CDK5: variants seen among roughly 807,000 people sequenced by gnomAD.
The protein encoded by CDK5 is cyclin-dependent kinase 5.
A neutral mutation model predicts 44.6 loss-of-function variants in CDK5; 18 were observed. The observed-to-expected ratio is 0.40, with a 90% CI of 0.28 to 0.60. The LOEUF (loss-of-function observed/expected upper bound fraction) is 0.60. CDK5 is among the 20% of genes least tolerant of loss of function. CDK5 has a pLI of 0.38. For synonymous variants in CDK5, 143 were observed against 152.8 expected (o/e 0.94, Z 0.47); for missense variants, 198 against 368.1 (o/e 0.54, Z 3.78).
chr7:151,055,711 G>C (rs762360856), intron 6 of CDK5, 42 bp downstream of exon 6: 71 of 1,554,078 alleles, frequency 4.6e-5, no homozygotes, highest in Non-Finnish European at 5.1e-5. Context: ...CCCGTGCCCT[G>C]GCCCCAGCCT....
In CDK5 at chr7:151,056,257, C is replaced by T; in HGVS notation, c.312+323G>A. 1 of 537,462 alleles carries T rather than the reference C, an allele frequency of 1.9e-6. No individual in the cohort carries two copies. The highest frequency in any genetic ancestry group is 3.3e-6 in the Non-Finnish European group (1 of 301,128). 33.3% of individuals were successfully genotyped at this position (537,462 alleles called of 1,614,324 possible). ...CTGGACCAAGGCATTTGGTCTTGGG[C>T]CTAGAAAAGCACCTGGCACACAGTG... On this transcript the variant is annotated intron_variant, in intron 5 of 11. Transcript: ENST00000485972. The surrounding 1 kb of genome is among the most constrained non-coding windows in gnomAD (Gnocchi z 4.7).
At chr7:151,055,886 A>G (rs754707102) in intron 5 of CDK5, 38 bp from the exon 6 acceptor site, 2 of 1,407,782 alleles carry the variant, frequency 1.4e-6, no homozygotes, top group South Asian at 2.4e-5. Flanking sequence ...AGACGCCCTG[A>G]ACATGCAACT....
rs753931084 is a variant in CDK5, at chr7:151,057,891, C to T, written c.-43G>A. ...CCCCTGCGGGCCCTCGGTTTTAAGA[C>T]TCTGGCCCCGGCGTTGCAGAGGAGG... is the stretch of plus-strand genomic sequence containing the variant. On this transcript the variant is annotated 5_prime_UTR_variant, in exon 1 of 12. Coordinates refer to ENST00000485972, the MANE Select transcript of CDK5 (RefSeq NM_004935.4). The surrounding 1 kb of genome is among the most constrained non-coding windows in gnomAD (Gnocchi z 5.2). 4 of 1,579,536 alleles carry T rather than the reference C, an allele frequency of 2.5e-6. No homozygotes were observed. Among genetic ancestry groups the T allele is most frequent in the Non-Finnish European group, 3.4e-6 (4 of 1,162,960 alleles).
chr7:151,055,109 C>T lies in CDK5; in HGVS notation c.581-13G>A. 6.2e-7 allele frequency: 1 copy of T among 1,608,598 alleles called. No homozygotes were observed. The highest frequency in any genetic ancestry group is 8.5e-7 in the Non-Finnish European group (1 of 1,177,188). On this transcript the variant is annotated splice_polypyrimidine_tract_variant and intron_variant, in intron 8 of 11. Coordinates refer to ENST00000485972, the MANE Select transcript of CDK5 (RefSeq NM_004935.4). Reference sequence around the variant, plus strand: ...GCATTGGCCAGCTCTGGGGGATAGACAGGGGGCTAAGATGTGACATGTGAA... The same window carrying T: ...GCATTGGCCAGCTCTGGGGGATAGATAGGGGGCTAAGATGTGACATGTGAA...
rs368683870 is a variant in CDK5 at position 151,057,275 on chromosome 7, G to A, written c.38-115C>T. The stretch of plus-strand genomic sequence containing the variant: ...TCAGTATGCAAGGGAAGGGATTCAG[G>A]GTGAAGGTAGGTTGGTGAGCTTTGT... On this transcript the variant is annotated intron_variant, in intron 1 of 11. Coordinates refer to ENST00000485972, the MANE Select transcript of CDK5 (RefSeq NM_004935.4). The surrounding 1 kb of genome is among the most constrained non-coding windows in gnomAD (Gnocchi z 5.2). 4.3e-5 allele frequency: 36 copies of A among 838,352 alleles called. No individual in the cohort carries two copies. Among genetic ancestry groups the A allele is most frequent in the Non-Finnish European group, 4.1e-5 (20 of 482,524 alleles). 51.9% of individuals were successfully genotyped at this position (838,352 alleles called of 1,614,324 possible). A position where few individuals can be genotyped will look rare whatever the true frequency, so the allele number is the denominator to read the frequency against.
chr7:151,054,312 G>A lies in CDK5; in HGVS notation c.712-20C>T, dbSNP rs1260181618. The A allele has an allele frequency of 2.5e-6, 4 of 1,613,484 alleles. No individual in the cohort carries two copies. The highest frequency in any genetic ancestry group is 2.2e-5 in the East Asian group (1 of 44,872). On this transcript the variant is annotated intron_variant, in intron 10 of 11. Coordinates refer to ENST00000485972, the MANE Select transcript of CDK5 (RefSeq NM_004935.4). This position sits in a 1 kb window ranked among gnomAD's most constrained non-coding sequence, Gnocchi z 5.7. ...ATAGGGCTGTGGAGAGGCAGGGAGG[G>A]TCAGACTAGAGGTAGGGGGAGGGGG...
Position 151,056,344 on chromosome 7 carries a change from C to G in CDK5, c.312+236G>C, listed in dbSNP as rs1796893808. ...ATCTCCTTGAACCTCATTTTCTCAT[C>G]TCTCGAGTGTAAATAATATCACTGA... On this transcript the variant is annotated intron_variant, in intron 5 of 11. Coordinates refer to ENST00000485972, the MANE Select transcript of CDK5 (RefSeq NM_004935.4). This position sits in a 1 kb window ranked among gnomAD's most constrained non-coding sequence, Gnocchi z 4.7. The G allele has an allele frequency of 1.7e-6, 1 of 593,238 alleles. No homozygotes were observed. The highest frequency in any genetic ancestry group is 1.9e-5 in the African/African-American group (1 of 53,738). 36.7% of individuals were successfully genotyped at this position (593,238 alleles called of 1,614,324 possible).
In CDK5 at chr7:151,057,760, G is replaced by T; in HGVS notation, c.37+52C>A. ...TAAGGGAGCCAGGGCTTCAAGGAAT[G>T]CCGAAGGATCTGCAGAGGAGCTCTT... is the stretch of plus-strand genomic sequence containing the variant. On this transcript the variant is annotated intron_variant, in intron 1 of 11. Transcript: ENST00000485972. This position sits in a 1 kb window ranked among gnomAD's most constrained non-coding sequence, Gnocchi z 5.2. 6.3e-7 allele frequency: 1 copy of T among 1,577,888 alleles called. No homozygotes were observed. The highest frequency in any genetic ancestry group is 1.7e-5 in the Admixed American group (1 of 57,210).
In CDK5 at chr7:151,053,882, G is replaced by A; in HGVS notation, c.*127C>T. 4 of 749,548 alleles carry A rather than the reference G, an allele frequency of 5.3e-6. No individual in the cohort carries two copies. The highest frequency in any genetic ancestry group is 8.6e-6 in the Non-Finnish European group (4 of 464,468). 46.4% of individuals were successfully genotyped at this position (749,548 alleles called of 1,614,324 possible). On this transcript the variant is annotated 3_prime_UTR_variant, in exon 12 of 12. Transcript: ENST00000485972. ...AAGGGAGTGAGAAATTCGGGCTCAG[G>A]CACCCCACCCCGGCTGGGCCCAGCA...
rs1796893888 is a variant in CDK5, at chr7:151,056,346, C to T, written c.312+234G>A. 3.4e-6 allele frequency: 2 copies of T among 594,332 alleles called. No individual in the cohort carries two copies. Among genetic ancestry groups the T allele is most frequent in the African/African-American group, 1.9e-5 (1 of 53,864 alleles). The allele number at this position is 594,332 out of a possible 1,614,324, so 36.8% of individuals were successfully genotyped here. On this transcript the variant is annotated intron_variant, in intron 5 of 11. Coordinates refer to ENST00000485972, the MANE Select transcript of CDK5 (RefSeq NM_004935.4). The surrounding 1 kb of genome is among the most constrained non-coding windows in gnomAD (Gnocchi z 4.7). The stretch of plus-strand genomic sequence containing the variant: ...CTCCTTGAACCTCATTTTCTCATCT[C>T]TCGAGTGTAAATAATATCACTGACA...
In CDK5 at chr7:151,054,139, T is replaced by A; in HGVS notation, c.793-44A>T. ...AGGTGGCAGGTTCAGGACAGGTCAC[T>A]GCCCAGAGCCCTGCCTTCCTGTAGT... On this transcript the variant is annotated intron_variant, in intron 11 of 11. Coordinates refer to ENST00000485972, the MANE Select transcript of CDK5 (RefSeq NM_004935.4). This position sits in a 1 kb window ranked among gnomAD's most constrained non-coding sequence, Gnocchi z 5.7. 4 of 1,588,946 alleles carry A rather than the reference T, an allele frequency of 2.5e-6. No individual in the cohort carries two copies. The highest frequency in any genetic ancestry group is 3.4e-6 in the Non-Finnish European group (4 of 1,166,798).
At position 151,054,949 on chromosome 7, in the gene CDK5, C is replaced by T. The variant is rs1027547810; in HGVS notation, c.650+78G>A. ...CCCATCACCCTACCCCACACCATCA[C>T]TGCCCTCACCCATTGTGCTCAAAAC... On this transcript the variant is annotated intron_variant, in intron 9 of 11. Coordinates refer to ENST00000485972, the MANE Select transcript of CDK5 (RefSeq NM_004935.4). The surrounding 1 kb of genome is among the most constrained non-coding windows in gnomAD (Gnocchi z 5.7). 3.7e-4 allele frequency: 520 copies of T among 1,416,838 alleles called. 2 individuals carry two copies. Among genetic ancestry groups the T allele is most frequent in the Middle Eastern group, 1.8e-4 (1 of 5,706 alleles). The allele number at this position is 1,416,838 out of a possible 1,614,324, so 87.8% of individuals were successfully genotyped here. A position where few individuals can be genotyped will look rare whatever the true frequency, so the allele number is the denominator to read the frequency against.
In CDK5 at chr7:151,056,842, G is replaced by C. The variant is rs1201220561; in HGVS notation, c.195-46C>G. ...AGCCAGGCAGGTCCGCCTGACAGAC[G>C]TCCAGTGTCAGCCCCCGCCTCCCCC... On this transcript the variant is annotated intron_variant, in intron 3 of 11. Transcript: ENST00000485972. This position sits in a 1 kb window ranked among gnomAD's most constrained non-coding sequence, Gnocchi z 4.7. The C allele has an allele frequency of 6.3e-7, 1 of 1,597,234 alleles. No homozygotes were observed. Among genetic ancestry groups the C allele is most frequent in the East Asian group, 2.3e-5 (1 of 43,964 alleles).
At position 151,055,391 on chromosome 7, in the gene CDK5, CG is replaced by C; in HGVS notation, c.484-19del. 6.3e-7 allele frequency: 1 copy of C among 1,596,546 alleles called. No homozygotes were observed. Among genetic ancestry groups the C allele is most frequent in the Non-Finnish European group, 8.6e-7 (1 of 1,164,108 alleles). On this transcript the variant is annotated intron_variant, in intron 7 of 11. Coordinates refer to ENST00000485972, the MANE Select transcript of CDK5 (RefSeq NM_004935.4). ...GTGACCACCTGGAGGAGACCCCCCC[CG>C]AAAGGGACCTCCCACTTAGAGGACT... is the stretch of plus-strand genomic sequence containing the variant.
At position 151,057,048 on chromosome 7, in the gene CDK5, C is replaced by T. The variant is rs774049952; in HGVS notation, c.126+24G>A. The stretch of plus-strand genomic sequence containing the variant: ...CCAGGCCCTCAAACCCCTCCCCAGG[C>T]CGTATCCCACTCCCCAGTCCTACCT... On this transcript the variant is annotated intron_variant, in intron 2 of 11. Coordinates refer to ENST00000485972, the MANE Select transcript of CDK5 (RefSeq NM_004935.4). This position sits in a 1 kb window ranked among gnomAD's most constrained non-coding sequence, Gnocchi z 5.2. 230 of 1,613,028 alleles carry T rather than the reference C, an allele frequency of 1.4e-4. No individual in the cohort carries two copies. Among genetic ancestry groups the T allele is most frequent in the Non-Finnish European group, 1.8e-4 (216 of 1,179,110 alleles).
In CDK5 at chr7:151,055,201, C is replaced by A. The variant is rs1474242985; in HGVS notation, c.580+76G>T. On this transcript the variant is annotated intron_variant, in intron 8 of 11. Transcript: ENST00000485972. ...GTCCCAGGGCCTCCCTCCCTTCCCC[C>A]AGAGGGGACCCTCCAGACCCTATTT... 4 of 1,559,408 alleles carry A rather than the reference C, an allele frequency of 2.6e-6. No homozygotes were observed. The African/African-American group carries it at 5.4e-5, about 21-fold the overall frequency.
rs1584972603 is a variant in CDK5 at position 151,054,608 on chromosome 7, T to C, written c.651-143A>G. ...CCTCCCTTTACCCTCCGGCTTGAGC[T>C]TGACAGAAGCAGCCCCAGGCAGGTC... On this transcript the variant is annotated intron_variant, in intron 9 of 11. Transcript: ENST00000485972. The surrounding 1 kb of genome is among the most constrained non-coding windows in gnomAD (Gnocchi z 5.7). 3 of 767,644 alleles carry C rather than the reference T, an allele frequency of 3.9e-6. No homozygotes were observed. The East Asian group carries it at 8.1e-5, about 21-fold the overall frequency. The allele number at this position is 767,644 out of a possible 1,614,324, so 47.6% of individuals were successfully genotyped here.
At position 151,054,350 on chromosome 7, in the gene CDK5, G is replaced by A. The variant is rs1796852983; in HGVS notation, c.711+55C>T. 1.2e-6 allele frequency: 2 copies of A among 1,611,874 alleles called. No individual in the cohort carries two copies. The highest frequency in any genetic ancestry group is 2.7e-5 in the African/African-American group (2 of 74,858). On this transcript the variant is annotated intron_variant, in intron 10 of 11. Transcript: ENST00000485972. This position sits in a 1 kb window ranked among gnomAD's most constrained non-coding sequence, Gnocchi z 5.7. ...TAGGGGGAGGGGGATGGAGGCGCTA[G>A]GAATGTGAAACGAGTGACCCTGATG... is the stretch of plus-strand genomic sequence containing the variant.
chr7:151,056,096 G>A lies in CDK5; in HGVS notation c.313-248C>T. 5.4e-6 allele frequency: 3 copies of A among 557,330 alleles called. No individual in the cohort carries two copies. The highest frequency in any genetic ancestry group is 9.6e-6 in the Non-Finnish European group (3 of 312,464). The allele number at this position is 557,330 out of a possible 1,614,324, so 34.5% of individuals were successfully genotyped here. ...GGACCATACAGCCTAATGGGCCTTG[G>A]CAGGTGGATCCTAGATCCGGCCTAG... On this transcript the variant is annotated intron_variant, in intron 5 of 11. Transcript: ENST00000485972. This position sits in a 1 kb window ranked among gnomAD's most constrained non-coding sequence, Gnocchi z 4.7.
Sources: gnomAD v4.1 joint callset for allele counts on GRCh38, gnomAD v4.1.1 for gene constraint, Gnocchi (gnomAD v3.1) non-coding constraint, MANE v1.5 for transcripts, NCBI Gene and HGNC (gene_info 2026-07-23, HGNC 2026-07-21) for gene names.